ATP2B4: variants seen among roughly 807,000 people sequenced by gnomAD.
ATP2B4 encodes plasma membrane calcium-transporting ATPase 4.
ATP2B4 carries 39 observed loss-of-function variants against 110.3 expected under a neutral mutation model. The observed-to-expected ratio is 0.35, with a 90% CI of 0.27 to 0.46. The LOEUF is 0.46. ATP2B4 is among the 20% of genes least tolerant of loss of function. The probability of loss-of-function intolerance (pLI) is 1.00; values close to 1 mark genes in which losing one functional copy is unlikely to be tolerated. For missense variants in ATP2B4, 1,135 were observed against 1,530.9 expected, an observed-to-expected ratio of 0.74 and a Z score of 4.32; for synonymous variants, 538 against 571.7, an observed-to-expected ratio of 0.94 and a Z score of 0.84.
intron 1 of ATP2B4, among the ~76,000 whole-genome samples, chr1:203,631,218 G>T (rs376219150): frequency 2.6e-5 from 4 of 152,224 alleles, no homozygotes; most frequent in East Asian, 3.9e-4. Flanking sequence ...GGAAAGGAAA[G>T]GATTGAGAAC....
intron 16 of ATP2B4, 88 bp downstream of exon 16, chr1:203,720,828 A>C: frequency 7.0e-7 from 1 of 1,426,704 alleles, no homozygotes; most frequent in Non-Finnish European, 9.5e-7. Context: ...TTTACTGAAG[A>C]GTAAAGACAG....
At chr1:203,627,331 A>G (rs1019789002) in intron 1 of ATP2B4, 112 bp downstream of exon 1, 3 of 152,122 alleles carry the variant, frequency 2.0e-5, no homozygotes, top group Non-Finnish European at 4.4e-5. Context: ...ATTTCATGCG[A>G]CTGGGTTTGG....
intron 20 of ATP2B4, 52 bp from the exon 21 acceptor site, chr1:203,739,494 C>T: frequency 6.5e-7 from 1 of 1,549,646 alleles, no homozygotes; most frequent in Non-Finnish European, 8.8e-7. Context: ...GTTCTGCCGG[C>T]CAATTCTCAC....
At chr1:203,700,062 G>A in intron 4 of ATP2B4, 144 bp from the exon 5 acceptor site, 1 of 1,015,230 alleles carries the variant, frequency 9.8e-7, no homozygotes. Context: ...CTTGTAAAGA[G>A]TCTCCATGTA....
Position 203,657,492 on chromosome 1 carries a change from G to C in ATP2B4, c.-464-25250G>C, listed in dbSNP as rs138555809. The C allele has an allele frequency of 7.4e-4, 583 of 785,388 alleles. 3 individuals are homozygous for C. In the African/African-American group the frequency reaches 8.6e-3, roughly 12 times the overall value. The allele number at this position is 785,388 out of a possible 1,614,324, so 48.7% of individuals were successfully genotyped here. On this transcript the variant is annotated intron_variant, in intron 1 of 20. Coordinates refer to ENST00000357681, the MANE Select transcript of ATP2B4 (RefSeq NM_001684.5). ...TCTGTCCAGCAGATAAGCAGGTACT[G>C]CTCCCTGTGGAGTCTTTTCATCCTT... is the stretch of plus-strand genomic sequence containing the variant.
intron 1 of ATP2B4, among the ~76,000 whole-genome samples, chr1:203,627,672 T>C (rs1019797564): frequency 5.5e-5 from 5 of 91,100 alleles, no homozygotes; most frequent in African/African-American, 2.3e-4. Context: ...AAAAGAGAGA[T>C]GGAAAAAAAA....
At chr1:203,671,494 T>C (rs1158948911) in intron 1 of ATP2B4, among the ~76,000 whole-genome samples, 1 of 152,162 alleles carries the variant, frequency 6.6e-6, no homozygotes, top group Non-Finnish European at 1.5e-5. Flanking sequence ...ATGGCCCTTA[T>C]TTCTCTTCTT....
chr1:203,740,278 T>C lies in ATP2B4; in HGVS notation c.*424T>C, dbSNP rs956793147. 3 of 172,264 alleles carry C rather than the reference T, an allele frequency of 1.7e-5. No individual in the cohort carries two copies. The allele number at this position is 172,264 out of a possible 1,614,324, so 10.7% of individuals were successfully genotyped here. Reference sequence around the variant, plus strand: ...GACAAATATCCCCAAGTGAAATATGTTGCGGTAGAGATGGAATGTATAAAA... The same window carrying C: ...GACAAATATCCCCAAGTGAAATATGCTGCGGTAGAGATGGAATGTATAAAA... On this transcript the variant is annotated 3_prime_UTR_variant, in exon 21 of 21. Coordinates refer to ENST00000357681, the MANE Select transcript of ATP2B4 (RefSeq NM_001684.5).
chr1:203,684,926 C>T (rs911980465), intron 2 of ATP2B4, among the ~76,000 whole-genome samples: 4 of 152,076 alleles, frequency 2.6e-5, no homozygotes, highest in African/African-American at 9.7e-5. Context: ...TGCAATGGTG[C>T]AATCTTGGCT....
At chr1:203,686,657 T>G (rs4951375) in intron 2 of ATP2B4, among the ~76,000 whole-genome samples, 115,230 of 138,628 alleles carry the variant, frequency 0.83, 48,845 homozygotes, top group East Asian at 1. Context: ...CACAAATATG[T>G]GTCCTGGTGT....
intron 1 of ATP2B4, among the ~76,000 whole-genome samples, chr1:203,650,368 G>A (rs921962118): frequency 6.6e-6 from 1 of 152,188 alleles, no homozygotes; most frequent in African/African-American, 2.4e-5. Flanking sequence ...GTGTGATGTG[G>A]TGGGGGACAG....
At chr1:203,676,551 G>A (rs559184614) in intron 1 of ATP2B4, among the ~76,000 whole-genome samples, 42 of 152,306 alleles carry the variant, frequency 2.8e-4, no homozygotes, top group African/African-American at 9.1e-4. Flanking sequence ...CTTTGGAAGC[G>A]TAAGAGTGCC....
In ATP2B4 at chr1:203,739,864, C is replaced by G. The variant is rs1196468344; in HGVS notation, c.*10C>G. ...AGAGACATCAGTTTGAATTTTCTTT[C>G]TCTGACTCTCATCCCTATTTTACCT... On this transcript the variant is annotated 3_prime_UTR_variant, in exon 21 of 21. Transcript: ENST00000357681. 6.2e-7 allele frequency: 1 copy of G among 1,600,514 alleles called. No homozygotes were observed. The highest frequency in any genetic ancestry group is 8.5e-7 in the Non-Finnish European group (1 of 1,172,082).
Position 203,721,340 on chromosome 1 carries a change from CA to C in ATP2B4, c.2743del (p.Thr915LeufsTer2). On this transcript the variant is annotated frameshift_variant, in exon 17 of 21. Coordinates refer to ENST00000357681, the MANE Select transcript of ATP2B4 (RefSeq NM_001684.5). LOFTEE classifies it high-confidence loss of function. ...YGRNKPLISR[T>X]MMKNILGHAF... is the part of the protein sequence containing the mutation. ...GCCGAAATAAGCCTCTGATCTCACG[CA>C]CTATGATGAAGAACATCTTGGGCCA... 6.2e-7 allele frequency: 1 copy of C among 1,614,196 alleles called. No individual in the cohort carries two copies. Among genetic ancestry groups the C allele is most frequent in the South Asian group, 1.1e-5 (1 of 91,090 alleles).
chr1:203,654,216 T>C (rs11240667), intron 1 of ATP2B4, among the ~76,000 whole-genome samples: 133,833 of 151,754 alleles, frequency 0.88, 60,848 homozygotes, highest in Non-Finnish European at 0.99. Context: ...ACTCCTGACC[T>C]CAGGTGATCT....
chr1:203,711,441 C>T (rs960190992), intron 12 of ATP2B4, among the ~76,000 whole-genome samples: 2 of 152,086 alleles, frequency 1.3e-5, no homozygotes, highest in African/African-American at 4.8e-5. Flanking sequence ...CTGCTGTGTG[C>T]TGATAACTAT....
At chr1:203,655,269 G>A (rs569297480) in intron 1 of ATP2B4, among the ~76,000 whole-genome samples, 2 of 152,180 alleles carry the variant, frequency 1.3e-5, no homozygotes, top group Non-Finnish European at 2.9e-5. Flanking sequence ...AGCAGCTGCA[G>A]GGTTTGAGAG....
rs1399257160 is a variant in ATP2B4, at chr1:203,739,509, C to T, written c.3310-37C>T. 3.2e-6 allele frequency: 5 copies of T among 1,582,838 alleles called. No homozygotes were observed. In the Admixed American group the frequency reaches 8.7e-5, roughly 28 times the overall value. Reference sequence around the variant, plus strand: ...GTTCTGCCGGCCAATTCTCACCTCTCTATTTTCTCATCCTCCTTTTCCTTC... The same window carrying T: ...GTTCTGCCGGCCAATTCTCACCTCTTTATTTTCTCATCCTCCTTTTCCTTC... On this transcript the variant is annotated intron_variant, in intron 20 of 20. Transcript: ENST00000357681.
chr1:203,627,713 G>A (rs901305674), intron 1 of ATP2B4, among the ~76,000 whole-genome samples: 6 of 151,368 alleles, frequency 4.0e-5, no homozygotes, highest in Non-Finnish European at 5.9e-5. Flanking sequence ...ATCTTCAGCA[G>A]AAAGAGGGGC....
Sources: allele counts gnomAD v4.1 joint callset (sites outside exome capture counted in the v4.1 genomes callset), GRCh38; gene constraint gnomAD v4.1.1; transcripts MANE v1.5; gene names NCBI Gene and HGNC (gene_info 2026-07-23, HGNC 2026-07-21).